The following PLTP variants were observed in gnomAD, a reference collection of about 807,000 sequenced individuals.
The protein encoded by PLTP is BPI fold containing family E.
Under a neutral mutation model 54.1 loss-of-function variants are expected in PLTP, and 43 were observed. That is an observed-to-expected ratio of 0.79 (90% CI 0.62 to 1.02). PLTP has a LOEUF of 1.02. PLTP is among the 50% of genes least tolerant of loss of function. The pLI, the probability that PLTP is intolerant of heterozygous loss-of-function variation, is 0.00. For missense variants in PLTP, 604 were observed against 645.9 expected (o/e 0.94, Z 0.70); for synonymous variants, 263 against 264.6 (o/e 0.99, Z 0.06).
chr20:45,907,620 G>A, intron 7 of PLTP, 72 bp downstream of exon 7: 1 of 1,413,764 alleles, frequency 7.1e-7, no homozygotes, highest in Non-Finnish European at 9.9e-7. Flanking sequence ...TTCAACAGCA[G>A]GGCTCGGAAG....
chr20:45,910,473 A>G (rs1349184316), intron 3 of PLTP, among the ~76,000 whole-genome samples: 20 of 151,788 alleles, frequency 1.3e-4, no homozygotes, highest in Non-Finnish European at 2.5e-4. Flanking sequence ...AACTTAGCAG[A>G]CCGTGGTGGC....
chr20:45,901,567 T>C (rs1467996364), intron 12 of PLTP, among the ~76,000 whole-genome samples: 1 of 151,806 alleles, frequency 6.6e-6, no homozygotes, highest in Admixed American at 6.6e-5. Flanking sequence ...GCACTCCAGC[T>C]TGGGCAACAG....
Position 45,911,191 on chromosome 20 carries a change from A to G in PLTP, c.161T>C (p.Leu54Pro), listed in dbSNP as rs527953938. 6.2e-7 allele frequency: 1 copy of G among 1,613,868 alleles called. No individual in the cohort carries two copies. The highest frequency in any genetic ancestry group is 1.1e-5 in the South Asian group (1 of 91,076). The change falls in exon 3 of 16, where the codon CTG (leucine) becomes CCG (proline). Residue 54 changes from leucine to proline, a missense_variant. Transcript: ENST00000372431. ...QELETITIPDLRGKEGHFYYN... is the reference protein window; with the variant it reads ...QELETITIPDPRGKEGHFYYN... ...GTAGAAGTGGCCTTCTTTGCCCCGC[A>G]GGTCCGGAATGGTGATAGTCTCCAG... is the stretch of plus-strand genomic sequence containing the variant.
At chr20:45,903,190 A>G (rs1294727270) in intron 10 of PLTP, among the ~76,000 whole-genome samples, 2 of 148,202 alleles carry the variant, frequency 1.3e-5, no homozygotes, top group South Asian at 2.1e-4. Flanking sequence ...ACCCCTTGCC[A>G]TATCTTTTTG....
intron 12 of PLTP, among the ~76,000 whole-genome samples, chr20:45,901,931 T>TA (rs1014780246): frequency 4.0e-5 from 6 of 151,834 alleles, no homozygotes; most frequent in Non-Finnish European, 5.9e-5. Flanking sequence ...ATAACATTTT[T>TA]AAAAAAGATA....
In PLTP at chr20:45,898,994, G is replaced by A. The variant is rs1220548274; in HGVS notation, c.1429C>T (p.Pro477Ser). 1.9e-6 allele frequency: 3 copies of A among 1,614,150 alleles called. No individual in the cohort carries two copies. Residue 477 changes from proline to serine, a missense_variant, in exon 16 of 16, where the codon CCT becomes TCT. Physicochemically the swap from Pro to Ser is moderately conservative, Grantham distance 74 (BLOSUM62 -1). Transcript: ENST00000372431. This position sits in a 1 kb window ranked among gnomAD's most constrained non-coding sequence, Gnocchi z 4.6. ...GLREVIEKNRPADVRASTAPT... is the reference protein window; with the variant it reads ...GLREVIEKNRSADVRASTAPT... Reference sequence around the variant, plus strand: ...GCAGTGGACGCCCTGACATCAGCAGGCCGGTTCTTCTCAATCACCTCTCGC... The same window carrying A: ...GCAGTGGACGCCCTGACATCAGCAGACCGGTTCTTCTCAATCACCTCTCGC...
rs1568776186 is a variant in PLTP, at chr20:45,907,822, GACCTGTCGC to G, written c.549+10_549+18del. On this transcript the variant is annotated intron_variant, in intron 6 of 15. Coordinates refer to ENST00000372431, the MANE Select transcript of PLTP (RefSeq NM_006227.4). ...AGCATGCCCACCCTTGCCACCCTGC[GACCTGTCGC>G]TGCCCACACCTGCTGGTTGAGGAGG... is the stretch of plus-strand genomic sequence containing the variant. 6.2e-7 allele frequency: 1 copy of G among 1,604,816 alleles called. No individual in the cohort carries two copies. Among genetic ancestry groups the G allele is most frequent in the Non-Finnish European group, 8.5e-7 (1 of 1,176,308 alleles).
rs1258970193 is a variant in PLTP at position 45,910,563 on chromosome 20, C to T, written c.201-493G>A. Among the ~76,000 whole-genome samples the T allele has an allele frequency of 2.7e-5, 4 of 150,776 alleles. No homozygotes were observed. In the East Asian group the frequency reaches 7.8e-4, roughly 29 times the overall value. The stretch of plus-strand genomic sequence containing the variant: ...TCGGGATGCGGAGGTTGCAGTGAGC[C>T]AAGATCGCGCCACTGCACTCTAGCC... On this transcript the variant is annotated intron_variant, in intron 3 of 15. Coordinates refer to ENST00000372431, the MANE Select transcript of PLTP (RefSeq NM_006227.4).
Position 45,898,734 on chromosome 20 carries a change from A to G in PLTP, c.*207T>C, listed in dbSNP as rs1441296863. 16 of 693,566 alleles carry G rather than the reference A, an allele frequency of 2.3e-5. No individual in the cohort carries two copies. Among genetic ancestry groups the G allele is most frequent in the Non-Finnish European group, 3.6e-5 (15 of 414,718 alleles). 43.0% of individuals were successfully genotyped at this position (693,566 alleles called of 1,614,324 possible). A position where few individuals can be genotyped will look rare whatever the true frequency, so the allele number is the denominator to read the frequency against. ...GCACTGATTCCATCCCAGGAACCCA[A>G]CAGAGCTCAGGACAGCCCACAGGGA... is the stretch of plus-strand genomic sequence containing the variant. On this transcript the variant is annotated 3_prime_UTR_variant, in exon 16 of 16. Coordinates refer to ENST00000372431, the MANE Select transcript of PLTP (RefSeq NM_006227.4). This position sits in a 1 kb window ranked among gnomAD's most constrained non-coding sequence, Gnocchi z 4.6.
intron 4 of PLTP, 105 bp from the exon 5 acceptor site, chr20:45,909,776 T>C: frequency 1.4e-6 from 2 of 1,462,724 alleles, no homozygotes; most frequent in East Asian, 2.3e-5. Flanking sequence ...TTTCCACACA[T>C]CCTACCAAAC....
chr20:45,901,727 C>A (rs1414018152), intron 12 of PLTP, among the ~76,000 whole-genome samples: 1 of 151,846 alleles, frequency 6.6e-6, no homozygotes, highest in Non-Finnish European at 1.5e-5. Flanking sequence ...TATGGTGAAA[C>A]CCTGTCTCTA....
chr20:45,902,218 G>A (rs773325102), intron 12 of PLTP, 49 bp downstream of exon 12: 2 of 1,562,818 alleles, frequency 1.3e-6, no homozygotes, highest in Non-Finnish European at 8.8e-7. Context: ...CTGTGGACAG[G>A]TGTGATTGTC....
intron 7 of PLTP, 121 bp downstream of exon 7, chr20:45,907,571 A>G: frequency 1.1e-6 from 1 of 932,004 alleles, no homozygotes; most frequent in Non-Finnish European, 1.7e-6. Context: ...AAATCGCACA[A>G]CAAGTCAGCT....
At chr20:45,899,094 T>G (rs200399435) in intron 15 of PLTP, 31 bp from the exon 16 acceptor site, 18 of 1,613,940 alleles carry the variant, frequency 1.1e-5, no homozygotes, top group Non-Finnish European at 5.9e-6. Context: ...CCTCATTTAT[T>G]CATTCAGTTA....
intron 12 of PLTP, among the ~76,000 whole-genome samples, chr20:45,900,098 CTTTTTTTTTTTTTTTT>C (rs71181874): frequency 1.8e-5 from 1 of 55,698 alleles, no homozygotes; most frequent in African/African-American, 7.1e-5. Flanking sequence ...TTGAGCACCT[CTTTTTTTTTTTTTTTT>C]TTTTTTTTTT....
chr20:45,909,707 C>A, intron 4 of PLTP, 36 bp from the exon 5 acceptor site: 1 of 1,611,914 alleles, frequency 6.2e-7, no homozygotes, highest in East Asian at 2.2e-5. Flanking sequence ...CAGGTAGGAG[C>A]TCAATTGAGT....
rs532934848 is a variant in PLTP, at chr20:45,910,957, T to G, written c.200+195A>C. 1.2e-5 allele frequency: 17 copies of G among 1,460,542 alleles called. No individual in the cohort carries two copies. The South Asian group carries it at 2.3e-4, about 19-fold the overall frequency. The allele number at this position is 1,460,542 out of a possible 1,614,324, so 90.5% of individuals were successfully genotyped here. A position where few individuals can be genotyped will look rare whatever the true frequency, so the allele number is the denominator to read the frequency against. On this transcript the variant is annotated intron_variant, in intron 3 of 15. Transcript: ENST00000372431. The stretch of plus-strand genomic sequence containing the variant: ...CTACATTTTCAAGGCCACGCCCATC[T>G]GCCTGGTCCCGCCTATGATGACTGG...
chr20:45,899,714 A>T lies in PLTP; in HGVS notation c.1219-29T>A, dbSNP rs777343906. 5 of 1,613,924 alleles carry T rather than the reference A, an allele frequency of 3.1e-6. No homozygotes were observed. The Admixed American group carries it at 5.0e-5, about 16-fold the overall frequency. ...GGAGGGGCGAGGGCGGAAACAGGGCAGTGAGTCAGGGTTGGGTTTGCCTTT... is the reference window on the plus strand; with the variant it reads ...GGAGGGGCGAGGGCGGAAACAGGGCTGTGAGTCAGGGTTGGGTTTGCCTTT... On this transcript the variant is annotated intron_variant, in intron 13 of 15. Transcript: ENST00000372431.
chr20:45,904,102 A>G (rs945502716), intron 10 of PLTP, among the ~76,000 whole-genome samples: 1 of 152,238 alleles, frequency 6.6e-6, no homozygotes, highest in African/African-American at 2.4e-5. Context: ...AAGCCCAGGC[A>G]GTCTGACAAT....
Sources: gnomAD v4.1 joint callset for allele counts (sites outside exome capture counted in the v4.1 genomes callset) on GRCh38, gnomAD v4.1.1 for gene constraint, Gnocchi (gnomAD v3.1) non-coding constraint, MANE v1.5 for transcripts, NCBI Gene and HGNC (gene_info 2026-07-23, HGNC 2026-07-21) for gene names.